The following CACNA1G variants were observed in gnomAD, a reference collection of about 807,000 sequenced individuals.
CACNA1G encodes voltage-dependent T-type calcium channel subunit alpha-1G.
In CACNA1G, 67 loss-of-function variants were observed where a neutral mutation model predicts 219.4. That is an observed-to-expected ratio of 0.31 (90% CI 0.25 to 0.37). The LOEUF is 0.37. Among genes scored for constraint, CACNA1G ranks in the 10% least tolerant of loss-of-function variants. The pLI is 1.00. For missense variants in CACNA1G, 2,380 were observed against 3,231.4 expected (o/e 0.74, Z 6.39); for synonymous variants, 1,296 against 1,345.3 (o/e 0.96, Z 0.80).
intron 26 of CACNA1G, 140 bp from the exon 27 acceptor site, chr17:50,615,221 G>C (rs562379699): frequency 1.2e-6 from 1 of 829,376 alleles, no homozygotes; most frequent in African/African-American, 1.7e-5. Flanking sequence ...AAGGGGCAGC[G>C]TGGGGAGGGC....
chr17:50,584,981 G>A (rs1210817612), intron 9 of CACNA1G, among the ~76,000 whole-genome samples: 3 of 152,148 alleles, frequency 2.0e-5, no homozygotes, highest in East Asian at 1.9e-4. Context: ...GAGCCGCAGA[G>A]GAGAGGAGGA....
intron 26 of CACNA1G, 95 bp from the exon 27 acceptor site, chr17:50,615,265 TG>T: frequency 8.4e-7 from 1 of 1,190,170 alleles, no homozygotes; most frequent in Non-Finnish European, 1.1e-6. Flanking sequence ...GTTTCAGTTC[TG>T]GCGTTAGAGG....
At position 50,571,163 on chromosome 17, in the gene CACNA1G, C is replaced by G. The variant is rs1366346073; in HGVS notation, c.587-715C>G. ...GTAAATTGATGGACTTCTGAGAAGA[C>G]AGTATTGTATCTCTTCAGGTCCTGA... On this transcript the variant is annotated intron_variant, in intron 4 of 37. Coordinates refer to ENST00000359106, the MANE Select transcript of CACNA1G (RefSeq NM_018896.5). This position sits in a 1 kb window ranked among gnomAD's most constrained non-coding sequence, Gnocchi z 4.3. 6.6e-6 allele frequency among the ~76,000 whole-genome samples: 1 copy of G among 152,182 alleles called. No homozygotes were observed. Among genetic ancestry groups the G allele is most frequent in the Admixed American group, 6.5e-5 (1 of 15,284 alleles).
chr17:50,609,528 C>T (rs536004121), intron 25 of CACNA1G, among the ~76,000 whole-genome samples: 83 of 152,198 alleles, frequency 5.5e-4, no homozygotes, highest in South Asian at 1.9e-3. Context: ...TGGCAGGCGG[C>T]ACTTGTGGCC....
At position 50,604,145 on chromosome 17, in the gene CACNA1G, C is replaced by T. The variant is rs769206625; in HGVS notation, c.4170-10C>T. 3 of 1,611,866 alleles carry T rather than the reference C, an allele frequency of 1.9e-6. No individual in the cohort carries two copies. In the South Asian group the frequency reaches 3.3e-5, roughly 18 times the overall value. ...GGAAGCCTTATCACCTCCCTCCCTC[C>T]CCTCCCCAGGGTGATCAGCCGGGCG... On this transcript the variant is annotated splice_polypyrimidine_tract_variant and intron_variant, in intron 21 of 37. Transcript: ENST00000359106.
At position 50,596,520 on chromosome 17, in the gene CACNA1G, G is replaced by A. The variant is rs143031125; in HGVS notation, c.2980-42G>A. 562 of 1,565,966 alleles carry A rather than the reference G, an allele frequency of 3.6e-4. 1 individual carries two copies. Among genetic ancestry groups the A allele is most frequent in the Non-Finnish European group, 4.6e-4 (519 of 1,136,756 alleles). Reference sequence around the variant, plus strand: ...GGCCCGGTCCATCCCAACCACCCAAGCCTGGCCGGATCCCTAATGGTCCGC... The same window carrying A: ...GGCCCGGTCCATCCCAACCACCCAAACCTGGCCGGATCCCTAATGGTCCGC... On this transcript the variant is annotated intron_variant, in intron 14 of 37. Coordinates refer to ENST00000359106, the MANE Select transcript of CACNA1G (RefSeq NM_018896.5). This position sits in a 1 kb window ranked among gnomAD's most constrained non-coding sequence, Gnocchi z 4.8.
chr17:50,561,540 G>A lies in CACNA1G; in HGVS notation c.81G>A (p.Gly27=), dbSNP rs2035585319. The A allele has an allele frequency of 6.5e-7, 1 of 1,538,988 alleles. No homozygotes were observed. The highest frequency in any genetic ancestry group is 1.4e-5 in the African/African-American group (1 of 73,094). Residue 27 remains glycine, a synonymous_variant, in exon 1 of 38, where the codon GGG becomes GGA. Transcript: ENST00000359106. ...RSFMRLNDLS[G]AGGRPGPGSA... ...TCATGCGGCTCAACGACCTGTCGGGGGCCGGGGGCCGGCCGGGGCCGGGGT... is the reference window on the plus strand; with the variant it reads ...TCATGCGGCTCAACGACCTGTCGGGAGCCGGGGGCCGGCCGGGGCCGGGGT...
Position 50,561,349 on chromosome 17 carries a change from G to C in CACNA1G, c.-111G>C. ...TCCCGGGGGCTCAGCTTGCGCCCTA[G>C]AGCCCACCAGATGTGCCCCCGCCGG... On this transcript the variant is annotated 5_prime_UTR_variant, in exon 1 of 38. Transcript: ENST00000359106. 7.1e-7 allele frequency: 1 copy of C among 1,402,374 alleles called. No homozygotes were observed. Among genetic ancestry groups the C allele is most frequent in the Non-Finnish European group, 9.7e-7 (1 of 1,033,062 alleles). The allele number at this position is 1,402,374 out of a possible 1,614,324, so 86.9% of individuals were successfully genotyped here.
chr17:50,589,863 A>G (rs1385818149), intron 9 of CACNA1G, among the ~76,000 whole-genome samples: 3 of 144,370 alleles, frequency 2.1e-5, no homozygotes, highest in African/African-American at 5.4e-5. Flanking sequence ...TCTGCCTATC[A>G]CCATGTGTGT....
Position 50,621,519 on chromosome 17 carries a change from G to A in CACNA1G, c.5926-141G>A. ...CTTGTTTGGGGAAAGGGTGGGGAGA[G>A]AGAAGGGATGCCTTTTTCCCGCCCC... is the stretch of plus-strand genomic sequence containing the variant. On this transcript the variant is annotated intron_variant, in intron 34 of 37. Transcript: ENST00000359106. The surrounding 1 kb of genome is among the most constrained non-coding windows in gnomAD (Gnocchi z 4.6). 1.2e-6 allele frequency: 1 copy of A among 863,128 alleles called. No homozygotes were observed. The highest frequency in any genetic ancestry group is 1.8e-6 in the Non-Finnish European group (1 of 555,600). 53.5% of individuals were successfully genotyped at this position (863,128 alleles called of 1,614,324 possible).
chr17:50,598,868 A>G lies in CACNA1G; in HGVS notation c.3259-560A>G, dbSNP rs189124828. On this transcript the variant is annotated intron_variant, in intron 16 of 37. Transcript: ENST00000359106. ...CAGCCTCCTGAGTAGCTGGGATTACAGGCGTGAGCCACCATGCCCAACTAA... is the reference window on the plus strand; with the variant it reads ...CAGCCTCCTGAGTAGCTGGGATTACGGGCGTGAGCCACCATGCCCAACTAA... Among the ~76,000 whole-genome samples the G allele has an allele frequency of 4.8e-3, 735 of 152,330 alleles. 3 individuals carry two copies. Among genetic ancestry groups the G allele is most frequent in the Non-Finnish European group, 5.8e-3 (394 of 68,038 alleles).
intron 16 of CACNA1G, among the ~76,000 whole-genome samples, chr17:50,597,867 G>A (rs1364762584): frequency 6.6e-6 from 1 of 151,980 alleles, no homozygotes; most frequent in Non-Finnish European, 1.5e-5. Context: ...AATTTTTTTG[G>A]ATTTCACATA....
intron 9 of CACNA1G, among the ~76,000 whole-genome samples, chr17:50,590,073 C>T (rs2043938277): frequency 1.3e-5 from 2 of 152,132 alleles, no homozygotes; most frequent in African/African-American, 2.4e-5. Flanking sequence ...GAGGCCTTGG[C>T]GATCGCCCTC....
intron 37 of CACNA1G, 49 bp from the exon 38 acceptor site, chr17:50,625,968 C>T (rs1378208082): frequency 3.9e-6 from 6 of 1,548,292 alleles, no homozygotes; most frequent in South Asian, 1.2e-5. Context: ...AGGGCTAGTC[C>T]ATGCTGGAGA....
intron 9 of CACNA1G, among the ~76,000 whole-genome samples, chr17:50,587,675 C>T (rs971404070): frequency 6.6e-6 from 1 of 152,248 alleles, no homozygotes; most frequent in African/African-American, 2.4e-5. Context: ...CGAGGGAGTG[C>T]GCCAGGCCCC....
rs2145649180 is a variant in CACNA1G, at chr17:50,596,220, CCA to C, written c.2980-341_2980-340del. On this transcript the variant is annotated intron_variant, in intron 14 of 37. Coordinates refer to ENST00000359106, the MANE Select transcript of CACNA1G (RefSeq NM_018896.5). The surrounding 1 kb of genome is among the most constrained non-coding windows in gnomAD (Gnocchi z 4.8). ...TCTAGTGACCACTTCACTCAGGTCCCCAGGTCCCCAGCCCCCTCTGGCCTGTG... is the reference window on the plus strand; with the variant it reads ...TCTAGTGACCACTTCACTCAGGTCCCGGTCCCCAGCCCCCTCTGGCCTGTG... Among the ~76,000 whole-genome samples the C allele has an allele frequency of 1.3e-5, 2 of 152,316 alleles. No homozygotes were observed. The highest frequency in any genetic ancestry group is 1.3e-4 in the Admixed American group (2 of 15,304).
Position 50,575,630 on chromosome 17 carries a change from C to A in CACNA1G, c.1228C>A (p.Arg410=), listed in dbSNP as rs776457023. The A allele has an allele frequency of 1.9e-6, 3 of 1,613,726 alleles. No individual in the cohort carries two copies. The South Asian group carries it at 3.3e-5, about 18-fold the overall frequency. The change falls in exon 8 of 38, where the codon CGG becomes AGG. Residue 410 remains arginine (R), a synonymous_variant. Coordinates refer to ENST00000359106, the MANE Select transcript of CACNA1G (RefSeq NM_018896.5). ...ETKQRESQLM[R]EQRVRFLSNA... ...CAAGCAGCGGGAAAGCCAGCTGATG[C>A]GGGAGCAGCGTGTGCGGTTCCTGTC...
chr17:50,619,037 A>G (rs771709645), intron 33 of CACNA1G, 29 bp downstream of exon 33: 1 of 1,472,268 alleles, frequency 6.8e-7, no homozygotes, highest in Non-Finnish European at 9.0e-7. Flanking sequence ...CAGCCGTGAG[A>G]GGAGCTGGGG....
In CACNA1G at chr17:50,596,508, C is replaced by T. The variant is rs2045576693; in HGVS notation, c.2980-54C>T. 6.7e-7 allele frequency: 1 copy of T among 1,497,014 alleles called. No homozygotes were observed. The highest frequency in any genetic ancestry group is 9.3e-7 in the Non-Finnish European group (1 of 1,074,574). The allele number at this position is 1,497,014 out of a possible 1,614,324, so 92.7% of individuals were successfully genotyped here. The stretch of plus-strand genomic sequence containing the variant: ...TGAAGAGAGGGAGGCCCGGTCCATC[C>T]CAACCACCCAAGCCTGGCCGGATCC... On this transcript the variant is annotated intron_variant, in intron 14 of 37. Transcript: ENST00000359106. This position sits in a 1 kb window ranked among gnomAD's most constrained non-coding sequence, Gnocchi z 4.8.
Sources: gnomAD v4.1 joint callset for allele counts (sites outside exome capture counted in the v4.1 genomes callset) on GRCh38, gnomAD v4.1.1 for gene constraint, Gnocchi (gnomAD v3.1) non-coding constraint, MANE v1.5 for transcripts, NCBI Gene and HGNC (gene_info 2026-07-23, HGNC 2026-07-21) for gene names.